The following DTNBP1 variants were observed in gnomAD, a reference collection of about 807,000 sequenced individuals.
DTNBP1 encodes dysbindin.
Under a neutral mutation model 42.8 loss-of-function variants are expected in DTNBP1, and 35 were observed. The observed-to-expected ratio is 0.82, with a 90% CI of 0.63 to 1.09. The LOEUF is 1.09. DTNBP1 is among the 50% of genes least tolerant of loss of function. The probability of loss-of-function intolerance (pLI) is 0.00; values close to 1 mark genes in which losing one functional copy is unlikely to be tolerated. For missense variants in DTNBP1, 457 were observed against 424.2 expected (o/e 1.08, Z -0.68); for synonymous variants, 171 against 162.2 (o/e 1.05, Z -0.41).
At chr6:15,597,595 T>C (rs1435013477) in intron 6 of DTNBP1, among the ~76,000 whole-genome samples, 1 of 152,232 alleles carries the variant, frequency 6.6e-6, no homozygotes, top group Non-Finnish European at 1.5e-5. Flanking sequence ...CTCTCCTTTA[T>C]CAAAAATTCT....
chr6:15,639,758 TAACA>T (rs1410926578), intron 3 of DTNBP1, among the ~76,000 whole-genome samples: 1 of 152,244 alleles, frequency 6.6e-6, no homozygotes, highest in Non-Finnish European at 1.5e-5. Context: ...GCACAGAACC[TAACA>T]AACAAGAGAC....
At chr6:15,567,835 A>G (rs1581334788) in intron 7 of DTNBP1, among the ~76,000 whole-genome samples, 1 of 152,358 alleles carries the variant, frequency 6.6e-6, no homozygotes, top group East Asian at 1.9e-4. Context: ...TCACCGACAA[A>G]ACAATAATGT....
At chr6:15,650,209 G>T (rs1014767694) in intron 3 of DTNBP1, among the ~76,000 whole-genome samples, 1 of 152,184 alleles carries the variant, frequency 6.6e-6, no homozygotes, top group African/African-American at 2.4e-5. Context: ...CCACACATCT[G>T]TCAAATGGCA....
At position 15,522,831 on chromosome 6, in the gene DTNBP1, T is replaced by C; in HGVS notation, c.*144A>G. The C allele has an allele frequency of 7.1e-7, 1 of 1,416,310 alleles. No individual in the cohort carries two copies. The highest frequency in any genetic ancestry group is 9.8e-7 in the Non-Finnish European group (1 of 1,018,162). 87.7% of individuals were successfully genotyped at this position (1,416,310 alleles called of 1,614,324 possible). A position where few individuals can be genotyped will look rare whatever the true frequency, so the allele number is the denominator to read the frequency against. ...GTTTACCGTCCTCACACTTTATTGT[T>C]AGCTGTTCTTTAAGTTTCTCACACA... On this transcript the variant is annotated 3_prime_UTR_variant, in exon 10 of 10. Coordinates refer to ENST00000344537, the MANE Select transcript of DTNBP1 (RefSeq NM_032122.5).
rs1450040390 is a variant in DTNBP1, at chr6:15,652,107, T to C, written c.90A>G (p.Ala30=). 2 of 1,613,026 alleles carry C rather than the reference T, an allele frequency of 1.2e-6. No homozygotes were observed. Among genetic ancestry groups the C allele is most frequent in the Non-Finnish European group, 1.7e-6 (2 of 1,179,414 alleles). ...CTTACCTGGGTTTGCTTTTCACTTTTGCTTCTCTTGACTTGTCACTTAAAG... is the reference window on the plus strand; with the variant it reads ...CTTACCTGGGTTTGCTTTTCACTTTCGCTTCTCTTGACTTGTCACTTAAAG... ...LKTLSDKSRE[A]KVKSKPRTVP... Residue 30 remains alanine (A), a synonymous_variant, in exon 2 of 10, where the codon GCA becomes GCG. Transcript: ENST00000344537.
intron 6 of DTNBP1, among the ~76,000 whole-genome samples, chr6:15,608,835 G>GAA (rs1479372376): frequency 1.3e-5 from 2 of 151,990 alleles, no homozygotes; most frequent in Admixed American, 1.3e-4. Context: ...AGCCTTTTTT[G>GAA]AAGGCTTTTA....
chr6:15,593,060 T>C lies in DTNBP1; in HGVS notation c.510A>G (p.Lys170=). ...AGTGAAGAATTAACACAAAATTACC[T>C]TTGAAGGTTTCAAGTTCCTTCCTGT... The part of the protein sequence containing the change: ...KNKRKELETF[K]AELDAEHAQK... The change falls in exon 7 of 10, where the codon AAA becomes AAG. Residue 170 remains lysine (K), a splice_region_variant and synonymous_variant. Transcript: ENST00000344537. 2 of 1,587,504 alleles carry C rather than the reference T, an allele frequency of 1.3e-6. No individual in the cohort carries two copies. Among genetic ancestry groups the C allele is most frequent in the East Asian group, 2.3e-5 (1 of 44,344 alleles).
Position 15,575,432 on chromosome 6 carries a change from C to T in DTNBP1, c.511+17627G>A, listed in dbSNP as rs137899678. 4.7e-3 allele frequency among the ~76,000 whole-genome samples: 710 copies of T among 152,308 alleles called. 10 individuals carry two copies. Among genetic ancestry groups the T allele is most frequent in the African/African-American group, 0.016 (667 of 41,550 alleles). ...AAAATCACTTGTTATGGGCAAGAGACCACAGAACAACTTCTCTTTAATTTT... is the reference window on the plus strand; with the variant it reads ...AAAATCACTTGTTATGGGCAAGAGATCACAGAACAACTTCTCTTTAATTTT... On this transcript the variant is annotated intron_variant, in intron 7 of 9. Transcript: ENST00000344537.
chr6:15,571,091 A>G (rs1368796703), intron 7 of DTNBP1, among the ~76,000 whole-genome samples: 1 of 152,202 alleles, frequency 6.6e-6, no homozygotes, highest in African/African-American at 2.4e-5. Flanking sequence ...CTTACAGAGG[A>G]AATGACATGG....
intron 1 of DTNBP1, among the ~76,000 whole-genome samples, chr6:15,662,218 G>C (rs1198431072): frequency 2.0e-5 from 3 of 152,272 alleles, no homozygotes; most frequent in African/African-American, 7.2e-5. Flanking sequence ...TTCCTTCGCC[G>C]AGGCGCTGAG....
At chr6:15,534,079 C>T (rs1388899583) in intron 7 of DTNBP1, among the ~76,000 whole-genome samples, 3 of 152,114 alleles carry the variant, frequency 2.0e-5, no homozygotes, top group Non-Finnish European at 4.4e-5. Context: ...TCCAGCCAGT[C>T]GCGAAAAGGC....
intron 9 of DTNBP1, chr6:15,524,046 G>A (rs998488061): frequency 7.7e-7 from 1 of 1,295,468 alleles, no homozygotes; most frequent in Non-Finnish European, 1.0e-6. Context: ...TTTGTGAAGG[G>A]ATGAAAGGAA....
intron 7 of DTNBP1, among the ~76,000 whole-genome samples, chr6:15,590,059 A>G (rs1776231814): frequency 6.6e-6 from 1 of 152,082 alleles, no homozygotes; most frequent in Admixed American, 6.5e-5. Flanking sequence ...CAGCCTCCCA[A>G]GTAGCTGGGA....
chr6:15,559,963 T>G (rs1476158181), intron 7 of DTNBP1, among the ~76,000 whole-genome samples: 1 of 152,206 alleles, frequency 6.6e-6, no homozygotes, highest in Non-Finnish European at 1.5e-5. Flanking sequence ...GGAATAAACT[T>G]ATTTCTCATT....
chr6:15,662,660 G>T (rs9476887), intron 1 of DTNBP1, among the ~76,000 whole-genome samples, 154 bp downstream of exon 1: 1 of 151,918 alleles, frequency 6.6e-6, no homozygotes, highest in Non-Finnish European at 1.5e-5. Flanking sequence ...CGAGGACGCC[G>T]GGAAGTTCGT....
At chr6:15,551,703 T>C (rs1774219759) in intron 7 of DTNBP1, among the ~76,000 whole-genome samples, 1 of 152,204 alleles carries the variant, frequency 6.6e-6, no homozygotes, top group Non-Finnish European at 1.5e-5. Context: ...GGATGCCACG[T>C]TCCTCGAGAG....
intron 7 of DTNBP1, among the ~76,000 whole-genome samples, chr6:15,564,411 T>C (rs1774977956): frequency 6.6e-6 from 1 of 152,188 alleles, no homozygotes; most frequent in South Asian, 2.1e-4. Flanking sequence ...TCCTTTCTTT[T>C]TTTTTGATTT....
intron 6 of DTNBP1, among the ~76,000 whole-genome samples, chr6:15,598,963 T>C (rs749284695): frequency 6.6e-6 from 1 of 152,136 alleles, no homozygotes; most frequent in Non-Finnish European, 1.5e-5. Context: ...AACAAGATGA[T>C]AAGATTCCAA....
intron 5 of DTNBP1, among the ~76,000 whole-genome samples, chr6:15,622,520 T>G (rs897737951): frequency 6.6e-6 from 1 of 152,228 alleles, no homozygotes; most frequent in Non-Finnish European, 1.5e-5. Flanking sequence ...GCTCATTTCC[T>G]GTTGCAAAAC....
Sources: allele counts gnomAD v4.1 joint callset (sites outside exome capture counted in the v4.1 genomes callset), GRCh38; gene constraint gnomAD v4.1.1; transcripts MANE v1.5; gene names NCBI Gene and HGNC (gene_info 2026-07-23, HGNC 2026-07-21).